Variants in SMIM36 observed in about 807,000 individuals in gnomAD.
The protein encoded by SMIM36 is small integral membrane protein 36.
At chr17:55,522,321 A>G in the SMIM36 span, among the ~76,000 whole-genome samples, 2 of 152,172 alleles carry the variant, frequency 1.3e-5, no homozygotes, top group Admixed American at 6.5e-5. Flanking sequence ...ATGGCTTTCC[A>G]TGACCATTCC....
At chr17:55,493,953 G>A (rs1376173268) in intron 1 of SMIM36, among the ~76,000 whole-genome samples, 1 of 151,948 alleles carries the variant, frequency 6.6e-6, no homozygotes, top group Non-Finnish European at 1.5e-5. Flanking sequence ...TGTGAATCCT[G>A]GCTTTCTCTC....
chr17:55,489,864 T>TC (rs1322494217), intron 1 of SMIM36, among the ~76,000 whole-genome samples: 1 of 59,370 alleles, frequency 1.7e-5, no homozygotes, highest in African/African-American at 6.4e-5. Flanking sequence ...TTTTTTGTTT[T>TC]TTTTTACAGA....
intron 4 of SMIM36, among the ~76,000 whole-genome samples, chr17:55,459,529 T>C (rs1159793679): frequency 6.6e-6 from 1 of 152,184 alleles, no homozygotes; most frequent in African/African-American, 2.4e-5. Flanking sequence ...TGAGGGTAGG[T>C]CTACTGTTAG....
the SMIM36 span, among the ~76,000 whole-genome samples, chr17:55,524,970 G>T: frequency 6.6e-6 from 1 of 152,182 alleles, no homozygotes; most frequent in East Asian, 1.9e-4. Context: ...CTCTATGGAA[G>T]TTTATCCCTC....
chr17:55,510,536 T>C (rs1184955990), intron 1 of SMIM36, among the ~76,000 whole-genome samples: 1 of 152,136 alleles, frequency 6.6e-6, no homozygotes, highest in Non-Finnish European at 1.5e-5. Flanking sequence ...AAGGCTGCAG[T>C]GAGCTATGAT....
intron 1 of SMIM36, among the ~76,000 whole-genome samples, chr17:55,507,390 A>G (rs1308235430): frequency 2.2e-4 from 30 of 138,254 alleles, no homozygotes; most frequent in African/African-American, 8.4e-4. Context: ...ATGGAATACT[A>G]TGCAGCCATA....
intron 3 of SMIM36, among the ~76,000 whole-genome samples, chr17:55,469,346 C>T (rs1297685664): frequency 6.6e-6 from 1 of 152,188 alleles, no homozygotes; most frequent in African/African-American, 2.4e-5. Context: ...TATCCAACCT[C>T]TCCCAAATCA....
intron 1 of SMIM36, among the ~76,000 whole-genome samples, chr17:55,497,026 C>T (rs763671601): frequency 2.6e-5 from 4 of 152,102 alleles, no homozygotes; most frequent in Non-Finnish European, 1.5e-5. Context: ...TATGGGGTAT[C>T]GGAAGAGACT....
chr17:55,528,413 G>A, the SMIM36 span, among the ~76,000 whole-genome samples: 1 of 151,910 alleles, frequency 6.6e-6, no homozygotes, highest in Admixed American at 6.6e-5. Context: ...GTGCAGTGGT[G>A]CGATCATAGC....
At chr17:55,501,846 C>G (rs546891932) in intron 1 of SMIM36, among the ~76,000 whole-genome samples, 1 of 148,782 alleles carries the variant, frequency 6.7e-6, no homozygotes, top group African/African-American at 2.5e-5. Context: ...GAGTGCCAGA[C>G]GGTGGGCGCA....
intron 3 of SMIM36, among the ~76,000 whole-genome samples, chr17:55,474,895 G>T (rs916361524): frequency 6.6e-6 from 1 of 152,168 alleles, no homozygotes; most frequent in Non-Finnish European, 1.5e-5. Flanking sequence ...TTAGAACTTT[G>T]TGTGAGATAG....
the SMIM36 span, among the ~76,000 whole-genome samples, chr17:55,523,483 T>C: frequency 6.6e-6 from 1 of 151,278 alleles, no homozygotes; most frequent in African/African-American, 2.4e-5. Flanking sequence ...TGAGCTGAGA[T>C]TGTGCCATTG....
intron 4 of SMIM36, among the ~76,000 whole-genome samples, chr17:55,451,061 A>G (rs1908906341): frequency 6.6e-6 from 1 of 152,004 alleles, no homozygotes; most frequent in Non-Finnish European, 1.5e-5. Flanking sequence ...TAATTTTTGT[A>G]TTTTTAGTAG....
intron 1 of SMIM36, among the ~76,000 whole-genome samples, chr17:55,483,627 A>G (rs544740877): frequency 1.3e-5 from 2 of 152,126 alleles, no homozygotes; most frequent in South Asian, 4.2e-4. Flanking sequence ...ATATTTCAGA[A>G]ATGCCAGCCC....
intron 1 of SMIM36, among the ~76,000 whole-genome samples, chr17:55,505,827 C>T (rs1337883491): frequency 8.4e-6 from 1 of 118,528 alleles, no homozygotes; most frequent in Non-Finnish European, 1.6e-5. Context: ...CTAGAAAACC[C>T]CATTGTCTCA....
At chr17:55,459,476 A>T (rs937865638) in intron 4 of SMIM36, among the ~76,000 whole-genome samples, 4 of 152,236 alleles carry the variant, frequency 2.6e-5, no homozygotes, top group African/African-American at 9.6e-5. Flanking sequence ...AAAAGTTGGC[A>T]TAACTATCCT....
At chr17:55,489,629 A>T (rs1294162745) in intron 1 of SMIM36, among the ~76,000 whole-genome samples, 1 of 152,172 alleles carries the variant, frequency 6.6e-6, no homozygotes, top group Non-Finnish European at 1.5e-5. Context: ...TTCTTCTAAC[A>T]ATATGTCATG....
At chr17:55,487,060 G>A (rs1015079757) in intron 1 of SMIM36, among the ~76,000 whole-genome samples, 2 of 152,094 alleles carry the variant, frequency 1.3e-5, no homozygotes, top group Non-Finnish European at 2.9e-5. Flanking sequence ...GAGAGACCAG[G>A]AACAAACGAT....
Position 55,511,220 on chromosome 17 carries a change from C to T in SMIM36, c.115G>A (p.Gly39Ser), listed in dbSNP as rs1414186159. Residue 39 changes from glycine to serine, a missense_variant, in exon 1 of 5, where the codon GGC (glycine) becomes AGC (serine). Coordinates refer to ENST00000636752, the Ensembl canonical transcript of SMIM36. ...GCGTACTCCTTACTGGGATCCTTGC[C>T]TCGGCAGTCGTATAGCACGCAGGAG... 5 of 398,550 alleles carry T rather than the reference C, an allele frequency of 1.3e-5. No homozygotes were observed. The East Asian group carries it at 1.8e-4, about 14-fold the overall frequency. 24.7% of individuals were successfully genotyped at this position (398,550 alleles called of 1,614,324 possible).
Sources: gnomAD v4.1 joint callset for allele counts (sites outside exome capture counted in the v4.1 genomes callset) on GRCh38, gnomAD v4.1.1 for gene constraint, MANE v1.5 for transcripts, NCBI Gene and HGNC (gene_info 2026-07-23, HGNC 2026-07-21) for gene names.